The following PDE8A variants were observed in gnomAD, a reference collection of about 807,000 sequenced individuals.
The protein encoded by PDE8A is phosphodiesterase 8A.
PDE8A carries 59 observed loss-of-function variants against 105.0 expected under a neutral mutation model. That is an observed-to-expected ratio of 0.56 (90% CI 0.46 to 0.70). PDE8A has a LOEUF of 0.70. Among genes scored for constraint, PDE8A ranks in the 30% least tolerant of loss-of-function variants. PDE8A has a pLI of 0.00. For synonymous variants in PDE8A, 355 were observed against 371.9 expected, an observed-to-expected ratio of 0.95 and a Z score of 0.52; for missense variants, 1,014 against 1,045.9, an observed-to-expected ratio of 0.97 and a Z score of 0.42.
rs921070477 is a variant in PDE8A, at chr15:85,067,072, A to C, written c.302A>C (p.Glu101Ala). The C allele has an allele frequency of 6.2e-7, 1 of 1,613,882 alleles. No homozygotes were observed. Residue 101 changes from glutamate to alanine, a missense_variant, in exon 3 of 22, where the codon GAA (glutamate) becomes GCA (alanine). Coordinates refer to ENST00000394553, the MANE Select transcript of PDE8A (RefSeq NM_002605.3). ...NQCNGFCRAC[E>A]KAGFKCTVTK... ...TGTAATGGATTCTGCAGGGCATGTG[A>C]AAAAGCAGGGTTTAAGTGTACAGTT...
rs1406266844 is a variant in PDE8A at position 85,126,344 on chromosome 15, T to C, written c.2223T>C (p.Ala741=). 6.3e-7 allele frequency: 1 copy of C among 1,593,008 alleles called. No individual in the cohort carries two copies. Among genetic ancestry groups the C allele is most frequent in the Non-Finnish European group, 8.6e-7 (1 of 1,168,814 alleles). ...CCCTGCAGTACTGCATCGAGTGGGC[T>C]GCACGCATTTCGGAAGAATATTTTT... is the stretch of plus-strand genomic sequence containing the variant. ...CRPLQYCIEW[A]ARISEEYFSQ... Residue 741 remains alanine (A), a synonymous_variant, in exon 20 of 22, where the codon GCT becomes GCC. Transcript: ENST00000394553.
At chr15:85,113,563 T>G in intron 13 of PDE8A, 116 bp downstream of exon 13, 1 of 916,220 alleles carries the variant, frequency 1.1e-6, no homozygotes, top group South Asian at 1.3e-5. Context: ...GTCATAGTTG[T>G]GTGGTGCTAG....
rs748920384 is a variant in PDE8A, at chr15:85,030,808, C to T, written c.187-33562C>T. ...GATTTAACCTCAGCAGGCATCACTC[C>T]ACTCCTTTGGAAAACTTTTGTGATT... On this transcript the variant is annotated intron_variant, in intron 1 of 21. Coordinates refer to ENST00000394553, the MANE Select transcript of PDE8A (RefSeq NM_002605.3). Among the ~76,000 whole-genome samples the T allele has an allele frequency of 7.9e-4, 120 of 152,190 alleles. 1 individual carries two copies. The highest frequency in any genetic ancestry group is 4.6e-4 in the Admixed American group (7 of 15,282).
chr15:85,100,694 ACCTGTTT>A (rs2081848022), intron 11 of PDE8A, among the ~76,000 whole-genome samples: 2 of 152,144 alleles, frequency 1.3e-5, no homozygotes, highest in African/African-American at 4.8e-5. Flanking sequence ...GTTTGGAGTC[ACCTGTTT>A]CCTTCAAACG....
intron 1 of PDE8A, among the ~76,000 whole-genome samples, chr15:85,016,787 A>G (rs867468646): frequency 1.8e-4 from 27 of 152,324 alleles, no homozygotes; most frequent in Admixed American, 6.5e-4. Flanking sequence ...TTATACAAGA[A>G]CATGGTATGT....
At chr15:85,046,729 G>A (rs1190499483) in intron 1 of PDE8A, among the ~76,000 whole-genome samples, 1 of 152,106 alleles carries the variant, frequency 6.6e-6, no homozygotes, top group East Asian at 1.9e-4. Context: ...GTAGAGGGGA[G>A]TAGAAATTTT....
chr15:85,076,039 C>T (rs2081376067), intron 4 of PDE8A, 121 bp downstream of exon 4: 2 of 527,644 alleles, frequency 3.8e-6, no homozygotes, highest in Non-Finnish European at 6.8e-6. Context: ...GTGGCCTTCT[C>T]TTCTTTATTC....
chr15:85,122,644 C>T (rs906650049), intron 18 of PDE8A, among the ~76,000 whole-genome samples: 5 of 152,132 alleles, frequency 3.3e-5, no homozygotes, highest in Non-Finnish European at 7.4e-5. Flanking sequence ...TTTTAAAGTA[C>T]TAAAATAAAA....
chr15:85,003,300 A>G (rs1438039216), intron 1 of PDE8A, among the ~76,000 whole-genome samples: 5 of 152,198 alleles, frequency 3.3e-5, no homozygotes, highest in Non-Finnish European at 5.9e-5. Context: ...AACAATGTCC[A>G]TCAGTAGCTC....
chr15:85,045,709 T>TA (rs1398689018), intron 1 of PDE8A, among the ~76,000 whole-genome samples: 4 of 152,188 alleles, frequency 2.6e-5, no homozygotes, highest in Admixed American at 6.5e-5. Context: ...GCACTTGTCT[T>TA]ACAGTAATAG....
chr15:85,035,776 A>G (rs1429877854), intron 1 of PDE8A, among the ~76,000 whole-genome samples: 1 of 152,216 alleles, frequency 6.6e-6, no homozygotes, highest in African/African-American at 2.4e-5. Flanking sequence ...AGTTCTTGGA[A>G]TATAAACAGA....
At position 85,113,506 on chromosome 15, in the gene PDE8A, A is replaced by T. The variant is rs2082049723; in HGVS notation, c.1185+59A>T. 5.0e-6 allele frequency: 7 copies of T among 1,405,710 alleles called. No individual in the cohort carries two copies. The South Asian group carries it at 8.0e-5, about 16-fold the overall frequency. 87.1% of individuals were successfully genotyped at this position (1,405,710 alleles called of 1,614,324 possible). A position where few individuals can be genotyped will look rare whatever the true frequency, so the allele number is the denominator to read the frequency against. On this transcript the variant is annotated intron_variant, in intron 13 of 21. Coordinates refer to ENST00000394553, the MANE Select transcript of PDE8A (RefSeq NM_002605.3). ...CACATACTCCTTGTTCTCCCCAAGG[A>T]TCATTTCCAATGAGAAGAAACAGGG...
rs755446076 is a variant in PDE8A at position 85,089,405 on chromosome 15, C to G, written c.703C>G (p.Arg235Gly). The G allele has an allele frequency of 6.4e-7, 1 of 1,569,500 alleles. No individual in the cohort carries two copies. Among genetic ancestry groups the G allele is most frequent in the East Asian group, 2.2e-5 (1 of 44,526 alleles). The change falls in exon 7 of 22, where the codon CGT (arginine) becomes GGT (glycine). Residue 235 changes from arginine to glycine, a missense_variant. Physicochemically the swap from Arg to Gly is moderately radical, Grantham distance 125. Coordinates refer to ENST00000394553, the MANE Select transcript of PDE8A (RefSeq NM_002605.3). ...EDAIEITSED[R>G]FIQYANPAFE... ...TGCAATTGAAATTACAAGCGAAGAC[C>G]GTTTTATACAGGTTTGTTATTTTGG...
At chr15:85,034,222 TA>T (rs1221687852) in intron 1 of PDE8A, among the ~76,000 whole-genome samples, 4 of 152,374 alleles carry the variant, frequency 2.6e-5, no homozygotes, top group Non-Finnish European at 4.4e-5. Context: ...TCAAGGATTT[TA>T]TATTCAATGA....
rs923452530 is a variant in PDE8A, at chr15:84,993,247, T to G, written c.186+10899T>G. Among the ~76,000 whole-genome samples, 5 of 150,940 alleles carry G rather than the reference T, an allele frequency of 3.3e-5. No individual in the cohort carries two copies. The South Asian group carries it at 8.4e-4, about 25-fold the overall frequency. Reference sequence around the variant, plus strand: ...TCACAAGGTCAGGAGATCAAGACCATCCTGGCTAACACGGTGAAACCCCGT... The same window carrying G: ...TCACAAGGTCAGGAGATCAAGACCAGCCTGGCTAACACGGTGAAACCCCGT... On this transcript the variant is annotated intron_variant, in intron 1 of 21. Transcript: ENST00000394553.
intron 1 of PDE8A, among the ~76,000 whole-genome samples, chr15:85,038,967 C>A (rs1345462379): frequency 6.6e-6 from 1 of 151,938 alleles, no homozygotes; most frequent in Non-Finnish European, 1.5e-5. Context: ...ACTAAAGATA[C>A]AAAATTAGCC....
At chr15:85,058,259 CTCT>C (rs1414882004) in intron 1 of PDE8A, among the ~76,000 whole-genome samples, 1 of 152,002 alleles carries the variant, frequency 6.6e-6, no homozygotes, top group African/African-American at 2.4e-5. Flanking sequence ...TCTTCTTCTT[CTCT>C]TTTTTATAGA....
rs2081636134 is a variant in PDE8A, at chr15:85,091,140, G to A, written c.811G>A (p.Asp271Asn). The change falls in exon 8 of 22, where the codon GAC (aspartate) becomes AAC (asparagine). Residue 271 changes from aspartate to asparagine, a missense_variant. Coordinates refer to ENST00000394553, the MANE Select transcript of PDE8A (RefSeq NM_002605.3). ...GEVPINEKKA[D>N]LLDTINSCIR... ...AGTGCCTATAAATGAAAAAAAGGCT[G>A]ACTTGCTCGATACTATAAATTCATG... 1 of 1,613,320 alleles carries A rather than the reference G, an allele frequency of 6.2e-7. No homozygotes were observed. The highest frequency in any genetic ancestry group is 8.5e-7 in the Non-Finnish European group (1 of 1,179,674).
At chr15:85,100,629 C>T (rs2081846325) in intron 11 of PDE8A, among the ~76,000 whole-genome samples, 1 of 152,220 alleles carries the variant, frequency 6.6e-6, no homozygotes, top group South Asian at 2.1e-4. Context: ...TTAACCATGC[C>T]TTGGACACCA....
Sources: gnomAD v4.1 joint callset for allele counts (sites outside exome capture counted in the v4.1 genomes callset) on GRCh38, gnomAD v4.1.1 for gene constraint, MANE v1.5 for transcripts, NCBI Gene and HGNC (gene_info 2026-07-23, HGNC 2026-07-21) for gene names.